Variants in LRBA observed in about 807,000 individuals in gnomAD.
LRBA encodes LPS responsive beige-like anchor protein.
In LRBA, 176 loss-of-function variants were observed where a neutral mutation model predicts 330.0. That is an observed-to-expected ratio of 0.53 (90% CI 0.47 to 0.60). LRBA has a LOEUF of 0.60. LRBA is among the 20% of genes least tolerant of loss of function. The pLI is 0.00. For missense variants in LRBA, 3,259 were observed against 3,444.8 expected (o/e 0.95, Z 1.35); for synonymous variants, 1,230 against 1,193.0 (o/e 1.03, Z -0.64).
At chr4:150,520,705 C>A (rs530292176) in intron 40 of LRBA, among the ~76,000 whole-genome samples, 2 of 152,274 alleles carry the variant, frequency 1.3e-5, no homozygotes, top group South Asian at 2.1e-4. Flanking sequence ...AAATACCACA[C>A]ATTCTCACTT....
Position 150,908,776 on chromosome 4 carries a change from TAG to T in LRBA, c.1241_1242del (p.Ser414Ter), listed in dbSNP as rs763856520. On this transcript the variant is annotated frameshift_variant, in exon 10 of 57. Transcript: ENST00000651943. LOFTEE classifies it high-confidence loss of function. ...GGATTGTACGTGAATGCAATGGCAC[TAG>T]AGAGTTTCCCATCGTACAATAAAAG... The part of the protein sequence containing the change: ...HKLLLYDGKL[S>X]SAIAFTYNPR... 1 of 1,613,812 alleles carries T rather than the reference TAG, an allele frequency of 6.2e-7. No homozygotes were observed. The highest frequency in any genetic ancestry group is 1.7e-5 in the Admixed American group (1 of 60,006).
chr4:150,442,876 A>G (rs1467981049), intron 44 of LRBA, among the ~76,000 whole-genome samples: 1 of 152,192 alleles, frequency 6.6e-6, no homozygotes, highest in Non-Finnish European at 1.5e-5. Context: ...ATCATAAAAG[A>G]TGGTCATTCT....
intron 40 of LRBA, among the ~76,000 whole-genome samples, chr4:150,496,016 TAG>T (rs562262879): frequency 2.0e-5 from 3 of 152,164 alleles, no homozygotes; most frequent in Non-Finnish European, 1.5e-5. Context: ...GACAGTGTGT[TAG>T]AGAGGAGAGA....
intron 15 of LRBA, among the ~76,000 whole-genome samples, chr4:150,897,379 A>G (rs996592339): frequency 3.3e-5 from 5 of 152,056 alleles, no homozygotes; most frequent in African/African-American, 1.2e-4. Context: ...CAGAAATACT[A>G]TTTCTCAAAA....
At chr4:150,606,112 TA>T (rs1774596763) in intron 37 of LRBA, among the ~76,000 whole-genome samples, 1 of 152,166 alleles carries the variant, frequency 6.6e-6, no homozygotes, top group Admixed American at 6.5e-5. Flanking sequence ...CATCTTCAAT[TA>T]ATTATTAGTT....
At chr4:150,794,624 A>G (rs899006110) in intron 34 of LRBA, among the ~76,000 whole-genome samples, 2 of 152,126 alleles carry the variant, frequency 1.3e-5, no homozygotes, top group East Asian at 3.8e-4. Flanking sequence ...ACCAAACCTT[A>G]TATCATTACC....
At chr4:150,548,594 T>C (rs994301564) in intron 40 of LRBA, among the ~76,000 whole-genome samples, 26 of 152,240 alleles carry the variant, frequency 1.7e-4, no homozygotes, top group African/African-American at 6.0e-4. Flanking sequence ...AATACATCAA[T>C]ATTAGTTATT....
intron 37 of LRBA, among the ~76,000 whole-genome samples, chr4:150,657,915 C>T (rs1299914595): frequency 1.3e-5 from 2 of 151,768 alleles, no homozygotes; most frequent in Non-Finnish European, 2.9e-5. Flanking sequence ...GTTTTATGTG[C>T]CATTATTTTG....
At chr4:150,925,981 A>G (rs1733842098) in intron 4 of LRBA, among the ~76,000 whole-genome samples, 1 of 152,196 alleles carries the variant, frequency 6.6e-6, no homozygotes, top group South Asian at 2.1e-4. Flanking sequence ...TGAGAAAACA[A>G]AATGACTTAA....
chr4:150,342,632 G>A (rs946411166), intron 48 of LRBA, among the ~76,000 whole-genome samples: 5 of 151,972 alleles, frequency 3.3e-5, no homozygotes, highest in Non-Finnish European at 5.9e-5. Context: ...TATTTCTATC[G>A]TTTAGTGCTC....
intron 40 of LRBA, among the ~76,000 whole-genome samples, chr4:150,530,096 T>G (rs1763900596): frequency 6.6e-6 from 1 of 152,194 alleles, no homozygotes; most frequent in Non-Finnish European, 1.5e-5. Context: ...TGCTCTGGCA[T>G]AAGAAGAAAT....
intron 51 of LRBA, chr4:150,310,593 G>C (rs904831863): frequency 1.4e-4 from 64 of 467,390 alleles, no homozygotes; most frequent in African/African-American, 1.2e-3. Context: ...ATTTTGCTTA[G>C]AGGAAAGAAA....
intron 47 of LRBA, among the ~76,000 whole-genome samples, chr4:150,387,749 G>C (rs1220191459): frequency 6.6e-6 from 1 of 152,064 alleles, no homozygotes; most frequent in Admixed American, 6.6e-5. Context: ...CCTAAACCAT[G>C]CATAACATTT....
intron 29 of LRBA, 26 bp downstream of exon 29, chr4:150,831,791 C>G (rs1578925373): frequency 6.5e-7 from 1 of 1,546,652 alleles, no homozygotes; most frequent in Non-Finnish European, 8.7e-7. Flanking sequence ...AACTTTGGTA[C>G]AAAGGAATAG....
At chr4:150,867,130 A>C (rs1433183499) in intron 22 of LRBA, among the ~76,000 whole-genome samples, 3 of 151,506 alleles carry the variant, frequency 2.0e-5, no homozygotes, top group African/African-American at 4.8e-5. Context: ...AAAAAAAAAA[A>C]AAACTACATT....
intron 35 of LRBA, among the ~76,000 whole-genome samples, chr4:150,755,739 T>C (rs1183786754): frequency 2.6e-5 from 4 of 151,686 alleles, no homozygotes; most frequent in Non-Finnish European, 5.9e-5. Flanking sequence ...GAAACATTAA[T>C]AAAACTAGGA....
intron 4 of LRBA, among the ~76,000 whole-genome samples, chr4:150,927,737 ATAAT>A (rs1265316752): frequency 6.6e-6 from 1 of 152,230 alleles, no homozygotes; most frequent in African/African-American, 2.4e-5. Flanking sequence ...AACCAGAAAT[ATAAT>A]CAAATTCAAT....
At chr4:150,863,143 AAAAAAGTAG>A (rs1752183427) in intron 22 of LRBA, among the ~76,000 whole-genome samples, 1 of 152,078 alleles carries the variant, frequency 6.6e-6, no homozygotes. Flanking sequence ...CAAAAAAACT[AAAAAAGTAG>A]CCAGGTGTGG....
Position 150,351,386 on chromosome 4 carries a change from G to C in LRBA, c.7195-1227C>G, listed in dbSNP as rs553959311. 2.0e-3 allele frequency among the ~76,000 whole-genome samples: 303 copies of C among 152,034 alleles called. 1 individual carries two copies. The highest frequency in any genetic ancestry group is 6.8e-3 in the Middle Eastern group (2 of 294). ...AGAGTTTTCAAACATAAACTCTAAA[G>C]CTTAATTAAAAGTATACAGTAGGCC... is the stretch of plus-strand genomic sequence containing the variant. On this transcript the variant is annotated intron_variant, in intron 47 of 56. Transcript: ENST00000651943.
Sources: gnomAD v4.1 joint callset for allele counts (sites outside exome capture counted in the v4.1 genomes callset) on GRCh38, gnomAD v4.1.1 for gene constraint, MANE v1.5 for transcripts, NCBI Gene and HGNC (gene_info 2026-07-23, HGNC 2026-07-21) for gene names.